The following TTF2 variants were observed in gnomAD, a reference collection of about 807,000 sequenced individuals.
The protein encoded by TTF2 is RNA polymerase II termination factor.
In TTF2, 108 loss-of-function variants were observed where a neutral mutation model predicts 142.4. The observed-to-expected ratio is 0.76, with a 90% CI of 0.65 to 0.89. TTF2 has a LOEUF of 0.89. Ranked by LOEUF, TTF2 falls within the 40% of genes least tolerant of loss-of-function variation. The pLI is 0.00. For missense variants in TTF2, 1,327 were observed against 1,379.8 expected (o/e 0.96, Z 0.61); for synonymous variants, 483 against 506.2 (o/e 0.95, Z 0.61).
intron 11 of TTF2, among the ~76,000 whole-genome samples, chr1:117,084,875 A>T (rs1245301058): frequency 6.6e-6 from 1 of 152,138 alleles, no homozygotes; most frequent in African/African-American, 2.4e-5. Context: ...TCCAATTTGG[A>T]TATTTTATCT....
chr1:117,095,195 C>T (rs936138711), intron 18 of TTF2, 114 bp from the exon 19 acceptor site: 2 of 896,850 alleles, frequency 2.2e-6, no homozygotes, highest in South Asian at 3.0e-5. Flanking sequence ...GGAATAAAGA[C>T]AGGTGAGGCC....
intron 3 of TTF2, among the ~76,000 whole-genome samples, chr1:117,064,842 T>C (rs371940992): frequency 2.9e-4 from 44 of 151,554 alleles, no homozygotes; most frequent in African/African-American, 9.9e-4. Context: ...TCTTCTTCTT[T>C]TTTTTTTTAG....
Position 117,092,779 on chromosome 1 carries a change from G to A in TTF2, c.2854G>A (p.Glu952Lys), listed in dbSNP as rs41306197. Residue 952 changes from glutamate to lysine, a missense_variant, in exon 18 of 23, where the codon GAA becomes AAA. By Grantham distance (56) the Glu-to-Lys change is moderately conservative. Coordinates refer to ENST00000369466, the MANE Select transcript of TTF2 (RefSeq NM_003594.4). This position sits in a 1 kb window ranked among gnomAD's most constrained non-coding sequence, Gnocchi z 4.4. ...GGGTGAAGGTCTTGTCCTTTCCCTG[G>A]AAGAACAGCTCAGTGCTTTGACCTT... ...LKGEGLVLSL[E>K]EQLSALTLSE... The A allele has an allele frequency of 7.7e-3, 12,428 of 1,614,186 alleles. 91 individuals carry two copies. Among genetic ancestry groups the A allele is most frequent in the Middle Eastern group, 0.012 (73 of 6,060 alleles).
At chr1:117,078,522 G>C (rs573536830) in intron 8 of TTF2, among the ~76,000 whole-genome samples, 1 of 152,230 alleles carries the variant, frequency 6.6e-6, no homozygotes, top group Non-Finnish European at 1.5e-5. Flanking sequence ...AGATAGCAGA[G>C]AGGAAAGGAA....
At position 117,087,995 on chromosome 1, in the gene TTF2, ACTATAT is replaced by A. The variant is rs1207883466; in HGVS notation, c.2161-798_2161-793del. ...GGTATTGAACTAGCCAGTGGGACTTACTATATCTATATCGTATTGTAATTATCTTTA... is the reference window on the plus strand; with the variant it reads ...GGTATTGAACTAGCCAGTGGGACTTACTATATCGTATTGTAATTATCTTTA... On this transcript the variant is annotated intron_variant, in intron 12 of 22. Coordinates refer to ENST00000369466, the MANE Select transcript of TTF2 (RefSeq NM_003594.4). The surrounding 1 kb of genome is among the most constrained non-coding windows in gnomAD (Gnocchi z 4.8). Among the ~76,000 whole-genome samples the A allele has an allele frequency of 6.6e-6, 1 of 152,174 alleles. No individual in the cohort carries two copies. The highest frequency in any genetic ancestry group is 1.5e-5 in the Non-Finnish European group (1 of 68,030).
Position 117,107,329 on chromosome 1 carries a change from T to TAACA in TTF2, c.*5806_*5809dup. ...GTTACCATTAATATTGCTTAAAGGC[T>TAACA]AACACATTAGCCAGAACCTAGATGT... On this transcript the variant is annotated 3_prime_UTR_variant, in exon 23 of 23. Coordinates refer to ENST00000369466, the MANE Select transcript of TTF2 (RefSeq NM_003594.4). The TAACA allele has an allele frequency of 6.6e-6, 1 of 152,366 alleles. No individual in the cohort carries two copies. The highest frequency in any genetic ancestry group is 6.5e-5 in the Admixed American group (1 of 15,306). 9.4% of individuals were successfully genotyped at this position (152,366 alleles called of 1,614,324 possible).
At position 117,075,812 on chromosome 1, in the gene TTF2, C is replaced by T; in HGVS notation, c.1228C>T (p.Pro410Ser). 1.2e-6 allele frequency: 2 copies of T among 1,613,674 alleles called. No individual in the cohort carries two copies. Among genetic ancestry groups the T allele is most frequent in the Non-Finnish European group, 8.5e-7 (1 of 1,179,856 alleles). ...GVSKKVEPSD[P>S]VARRVYLTTQ... ...TTCCAAGAAGGTAGAACCCTCAGAC[C>T]CAGTAGCCCGGCGTGTCTACCTTAC... The change falls in exon 5 of 23, where the codon CCA becomes TCA. Residue 410 changes from proline (P) to serine (S), a missense_variant. Transcript: ENST00000369466. The surrounding 1 kb of genome is among the most constrained non-coding windows in gnomAD (Gnocchi z 4.5).
intron 3 of TTF2, 79 bp downstream of exon 3, chr1:117,062,552 AT>A: frequency 7.3e-7 from 1 of 1,363,602 alleles, no homozygotes; most frequent in Non-Finnish European, 1.0e-6. Context: ...CCAGGTATGT[AT>A]TAGGATTGTT....
Position 117,090,414 on chromosome 1 carries a change from A to C in TTF2, c.2497-118A>C. ...GTTGGAGCAGTCCTGTGTCTAAGAA[A>C]GGGTGGAAGCTGCATTCCAGGGTTG... On this transcript the variant is annotated intron_variant, in intron 14 of 22. Coordinates refer to ENST00000369466, the MANE Select transcript of TTF2 (RefSeq NM_003594.4). The surrounding 1 kb of genome is among the most constrained non-coding windows in gnomAD (Gnocchi z 4.8). 8.5e-7 allele frequency: 1 copy of C among 1,170,530 alleles called. No homozygotes were observed. The highest frequency in any genetic ancestry group is 2.4e-5 in the East Asian group (1 of 40,994). The allele number at this position is 1,170,530 out of a possible 1,614,324, so 72.5% of individuals were successfully genotyped here. A position where few individuals can be genotyped will look rare whatever the true frequency, so the allele number is the denominator to read the frequency against.
intron 20 of TTF2, among the ~76,000 whole-genome samples, chr1:117,096,623 C>T (rs1037257169): frequency 6.6e-6 from 1 of 152,224 alleles, no homozygotes; most frequent in Admixed American, 6.5e-5. Context: ...GGTGATCCAC[C>T]TGCCTTGGCC....
rs1352780630 is a variant in TTF2 at position 117,076,036 on chromosome 1, A to G, written c.1276-144A>G. ...TCAAGATTGGTAAGCCAGCTGGGTT[A>G]AAATTTAAAAAAGGTTCTGGTTTTT... On this transcript the variant is annotated intron_variant, in intron 5 of 22. Coordinates refer to ENST00000369466, the MANE Select transcript of TTF2 (RefSeq NM_003594.4). This position sits in a 1 kb window ranked among gnomAD's most constrained non-coding sequence, Gnocchi z 4.6. 8.5e-6 allele frequency: 11 copies of G among 1,294,012 alleles called. No individual in the cohort carries two copies. Among genetic ancestry groups the G allele is most frequent in the Non-Finnish European group, 9.4e-6 (9 of 962,372 alleles). The allele number at this position is 1,294,012 out of a possible 1,614,324, so 80.2% of individuals were successfully genotyped here. A position where few individuals can be genotyped will look rare whatever the true frequency, so the allele number is the denominator to read the frequency against.
intron 3 of TTF2, among the ~76,000 whole-genome samples, chr1:117,065,908 T>C (rs891440092): frequency 2.7e-5 from 4 of 150,604 alleles, no homozygotes; most frequent in Non-Finnish European, 5.9e-5. Flanking sequence ...AAAGAAGAAC[T>C]ATGGAGGACA....
At chr1:117,078,450 C>A (rs1419875849) in intron 8 of TTF2, among the ~76,000 whole-genome samples, 4 of 152,232 alleles carry the variant, frequency 2.6e-5, no homozygotes, top group Non-Finnish European at 5.9e-5. Flanking sequence ...AAGGAAACAT[C>A]ACTCTAGGTC....
chr1:117,074,140 T>C (rs1269773568), intron 4 of TTF2, among the ~76,000 whole-genome samples: 5 of 152,124 alleles, frequency 3.3e-5, no homozygotes, highest in African/African-American at 1.2e-4. Flanking sequence ...CCTACAGATA[T>C]TCAGTACGTG....
chr1:117,094,832 T>C, intron 18 of TTF2: 3 of 358,936 alleles, frequency 8.4e-6, no homozygotes, highest in South Asian at 6.4e-5. Flanking sequence ...GGTGCTATGA[T>C]AGTACTTGGG....
At chr1:117,068,632 T>A (rs1207888624) in intron 3 of TTF2, among the ~76,000 whole-genome samples, 1 of 152,124 alleles carries the variant, frequency 6.6e-6, no homozygotes, top group Non-Finnish European at 1.5e-5. Context: ...TAATAACCCT[T>A]GAAACTTCAC....
In TTF2 at chr1:117,097,449, T is replaced by C. The variant is rs751882355; in HGVS notation, c.3269+16T>C. 1 of 1,613,428 alleles carries C rather than the reference T, an allele frequency of 6.2e-7. No homozygotes were observed. Among genetic ancestry groups the C allele is most frequent in the Admixed American group, 1.7e-5 (1 of 60,016 alleles). On this transcript the variant is annotated intron_variant, in intron 21 of 22. Coordinates refer to ENST00000369466, the MANE Select transcript of TTF2 (RefSeq NM_003594.4). The surrounding 1 kb of genome is among the most constrained non-coding windows in gnomAD (Gnocchi z 4.1). ...ACATGCACTGGTAATGATTCCGGAT[T>C]TGTCCTGGGTTGTCACAGCACATCA... is the stretch of plus-strand genomic sequence containing the variant.
intron 18 of TTF2, among the ~76,000 whole-genome samples, chr1:117,094,462 C>T (rs749819234): frequency 1.3e-4 from 20 of 152,148 alleles, no homozygotes; most frequent in Non-Finnish European, 2.2e-4. Flanking sequence ...TCATGCCCCA[C>T]GTGTTCTTAC....
intron 3 of TTF2, among the ~76,000 whole-genome samples, chr1:117,072,510 C>T (rs181031526): frequency 1.0e-3 from 149 of 144,470 alleles, no homozygotes; most frequent in African/African-American, 3.7e-3. Flanking sequence ...CTGCAACCTA[C>T]GCCTCCCGGG....
Sources: allele counts gnomAD v4.1 joint callset (sites outside exome capture counted in the v4.1 genomes callset), GRCh38; gene constraint gnomAD v4.1.1; non-coding constraint Gnocchi (gnomAD v3.1); transcripts MANE v1.5; gene names NCBI Gene and HGNC (gene_info 2026-07-23, HGNC 2026-07-21).